The following RBFOX1 variants were observed in gnomAD, a reference collection of about 807,000 sequenced individuals.
RBFOX1 encodes RNA binding protein fox-1 homolog 1.
In RBFOX1, 8 loss-of-function variants were observed where a neutral mutation model predicts 57.7. That is an observed-to-expected ratio of 0.14 (90% CI 0.08 to 0.25). RBFOX1 has a LOEUF of 0.25. Among genes scored for constraint, RBFOX1 ranks in the 10% least tolerant of loss-of-function variants. RBFOX1 has a pLI of 1.00. For missense variants in RBFOX1, 611 were observed against 548.5 expected (o/e 1.11, Z -1.14); for synonymous variants, 326 against 222.4 (o/e 1.47, Z -4.15).
At chr16:7,484,552 T>G (rs1394881963) in intron 4 of RBFOX1, among the ~76,000 whole-genome samples, 1 of 152,220 alleles carries the variant, frequency 6.6e-6, no homozygotes, top group Non-Finnish European at 1.5e-5. Flanking sequence ...AACTTTTGCC[T>G]CCTGAGTTCA....
intron 4 of RBFOX1, among the ~76,000 whole-genome samples, chr16:5,868,216 T>G (rs1201269521): frequency 6.6e-6 from 1 of 152,212 alleles, no homozygotes; most frequent in African/African-American, 2.4e-5. Flanking sequence ...CCTGAGCCAC[T>G]GTGTGGTTAA....
intron 2 of RBFOX1, among the ~76,000 whole-genome samples, chr16:6,460,728 C>T (rs192264140): frequency 6.6e-6 from 1 of 151,464 alleles, no homozygotes; most frequent in African/African-American, 2.4e-5. Context: ...CCATTTGCTG[C>T]AGCAATCCCA....
intron 3 of RBFOX1, among the ~76,000 whole-genome samples, chr16:6,707,150 A>G (rs2062896680): frequency 6.6e-6 from 1 of 152,162 alleles, no homozygotes; most frequent in Non-Finnish European, 1.5e-5. Flanking sequence ...CTATTTGCAA[A>G]AAGGAAATTG....
intron 3 of RBFOX1, among the ~76,000 whole-genome samples, chr16:6,876,264 CT>C (rs1223726674): frequency 6.6e-6 from 1 of 152,092 alleles, no homozygotes; most frequent in Non-Finnish European, 1.5e-5. Context: ...TCTTTCTATT[CT>C]TGGGAATTGT....
intron 4 of RBFOX1, among the ~76,000 whole-genome samples, chr16:7,311,891 T>C (rs1441411206): frequency 6.6e-6 from 1 of 152,280 alleles, no homozygotes; most frequent in African/African-American, 2.4e-5. Context: ...AACTCTGTTA[T>C]TCAATTAGCT....
intron 2 of RBFOX1, among the ~76,000 whole-genome samples, chr16:6,489,950 C>A (rs2095594253): frequency 6.6e-6 from 1 of 152,178 alleles, no homozygotes; most frequent in Non-Finnish European, 1.5e-5. Context: ...AACTGGATCT[C>A]CTAAGGTGTC....
At chr16:7,702,490 G>C (rs74011866) in intron 14 of RBFOX1, among the ~76,000 whole-genome samples, 3 of 152,196 alleles carry the variant, frequency 2.0e-5, no homozygotes, top group Admixed American at 6.5e-5. Flanking sequence ...ACGAGTATGG[G>C]ATGGTTGAGT....
chr16:7,569,714 G>C (rs1032253688), intron 5 of RBFOX1, among the ~76,000 whole-genome samples: 11 of 152,164 alleles, frequency 7.2e-5, no homozygotes, highest in Non-Finnish European at 1.5e-4. Flanking sequence ...CTGAAATACA[G>C]CTAGTGAGGC....
rs80314585 is a variant in RBFOX1, at chr16:7,129,244, G to C, written c.27+77146G>C. ...TATATAGTTTTTATTGATTCGGCTT[G>C]GATAGTAACCCCACAATTGAACCAA... On this transcript the variant is annotated intron_variant, in intron 4 of 15. Coordinates refer to ENST00000550418, the MANE Select transcript of RBFOX1 (RefSeq NM_018723.4). Among the ~76,000 whole-genome samples the C allele has an allele frequency of 3.7e-3, 560 of 152,160 alleles. 8 individuals are homozygous for C. Among genetic ancestry groups the C allele is most frequent in the African/African-American group, 0.012 (512 of 41,526 alleles).
At chr16:6,198,087 A>G (rs1226722255) in intron 1 of RBFOX1, among the ~76,000 whole-genome samples, 2 of 152,188 alleles carry the variant, frequency 1.3e-5, no homozygotes, top group Non-Finnish European at 2.9e-5. Flanking sequence ...TAACTTGTCT[A>G]CATATTCACC....
intron 3 of RBFOX1, among the ~76,000 whole-genome samples, chr16:5,840,793 T>C (rs1048512523): frequency 1.3e-5 from 2 of 152,124 alleles, no homozygotes; most frequent in Non-Finnish European, 2.9e-5. Flanking sequence ...TTCCCTATCA[T>C]GGAAAACACA....
At chr16:6,544,586 C>G (rs949486694) in intron 2 of RBFOX1, among the ~76,000 whole-genome samples, 2 of 152,148 alleles carry the variant, frequency 1.3e-5, no homozygotes, top group African/African-American at 4.8e-5. Flanking sequence ...CGTATTGATT[C>G]AAATGCTGTT....
intron 1 of RBFOX1, among the ~76,000 whole-genome samples, chr16:5,458,732 G>C (rs989355147): frequency 1.6e-4 from 25 of 152,200 alleles, no homozygotes; most frequent in Admixed American, 5.2e-4. Flanking sequence ...CTAACAACAG[G>C]AGAATATAAC....
chr16:7,677,829 A>T (rs976040435), intron 14 of RBFOX1, among the ~76,000 whole-genome samples: 1 of 152,172 alleles, frequency 6.6e-6, no homozygotes, highest in Non-Finnish European at 1.5e-5. Flanking sequence ...ACAGGTAAGC[A>T]GGCGATGTAT....
intron 3 of RBFOX1, among the ~76,000 whole-genome samples, chr16:7,048,484 C>T (rs932284950): frequency 2.0e-5 from 3 of 151,992 alleles, no homozygotes; most frequent in African/African-American, 7.2e-5. Flanking sequence ...TGGTCTCGAT[C>T]TCCTGACCTC....
upstream of RBFOX1, among the ~76,000 whole-genome samples, chr16:6,016,169 GAAC>G (rs2094992410): frequency 6.6e-6 from 1 of 152,188 alleles, no homozygotes; most frequent in African/African-American, 2.4e-5. Flanking sequence ...TAATAGAAGA[GAAC>G]AACATTTACA....
intron 13 of RBFOX1, among the ~76,000 whole-genome samples, chr16:7,675,326 A>G (rs1343379472): frequency 6.6e-6 from 1 of 152,056 alleles, no homozygotes. Flanking sequence ...TAATTGGAGA[A>G]CATAGTATTT....
At chr16:5,409,286 C>A (rs941996252) in intron 1 of RBFOX1, among the ~76,000 whole-genome samples, 3 of 152,168 alleles carry the variant, frequency 2.0e-5, no homozygotes, top group Non-Finnish European at 2.9e-5. Context: ...GCATACAGCC[C>A]CTAGGGGAGC....
At chr16:6,877,275 G>T (rs572642482) in intron 3 of RBFOX1, among the ~76,000 whole-genome samples, 1 of 152,174 alleles carries the variant, frequency 6.6e-6, no homozygotes, top group African/African-American at 2.4e-5. Flanking sequence ...AAGATGGATG[G>T]GTTGACTTGG....
Sources: gnomAD v4.1 joint callset for allele counts (sites outside exome capture counted in the v4.1 genomes callset) on GRCh38, gnomAD v4.1.1 for gene constraint, MANE v1.5 for transcripts, NCBI Gene and HGNC (gene_info 2026-07-23, HGNC 2026-07-21) for gene names.